Variants in OXR1 observed in about 807,000 individuals in gnomAD.
OXR1 encodes oxidation resistance protein 1.
In OXR1, 41 loss-of-function variants were observed where a neutral mutation model predicts 104.6. That is an observed-to-expected ratio of 0.39 (90% confidence interval 0.31 to 0.51). OXR1 has a LOEUF of 0.51. OXR1 is among the 20% of genes least tolerant of loss of function. The probability of loss-of-function intolerance (pLI) is 0.77; values close to 1 mark genes in which losing one functional copy is unlikely to be tolerated. For synonymous variants in OXR1, 348 were observed against 348.4 expected, an observed-to-expected ratio of 1.00 and a Z score of 0.01; for missense variants, 955 against 1,031.9, an observed-to-expected ratio of 0.93 and a Z score of 1.02.
chr8:106,739,284 A>G (rs569162387), intron 12 of OXR1, among the ~76,000 whole-genome samples, 174 bp from the exon 13 acceptor site: 41 of 152,144 alleles, frequency 2.7e-4, no homozygotes, highest in Non-Finnish European at 5.0e-4. Context: ...CTTTTCCTAC[A>G]TTGGCTACAT....
chr8:106,352,452 T>C (rs1815766633), intron 1 of OXR1, among the ~76,000 whole-genome samples: 1 of 152,210 alleles, frequency 6.6e-6, no homozygotes, highest in African/African-American at 2.4e-5. Flanking sequence ...TGCATAGGAT[T>C]GACCCAGAAA....
chr8:106,725,489 CT>C (rs1167785464), intron 11 of OXR1, among the ~76,000 whole-genome samples: 4 of 152,136 alleles, frequency 2.6e-5, no homozygotes, highest in African/African-American at 9.7e-5. Context: ...AAAAAATTCA[CT>C]TCTTTGCTTA....
At position 106,359,575 on chromosome 8, in the gene OXR1, T is replaced by C; in HGVS notation, c.-39T>C. On this transcript the variant is annotated 5_prime_UTR_variant, in exon 2 of 17. Transcript: ENST00000517566. ...GTCGACTTGACCTGCTAATTTCCTG[T>C]TCTGGAATCGAGAGAAGACTCCTCA... is the stretch of plus-strand genomic sequence containing the variant. 6.5e-7 allele frequency: 1 copy of C among 1,532,788 alleles called. No homozygotes were observed. Among genetic ancestry groups the C allele is most frequent in the South Asian group, 1.2e-5 (1 of 83,626 alleles). The allele number at this position is 1,532,788 out of a possible 1,614,324, so 94.9% of individuals were successfully genotyped here. A position where few individuals can be genotyped will look rare whatever the true frequency, so the allele number is the denominator to read the frequency against.
chr8:106,519,392 C>T (rs557501876), intron 3 of OXR1, among the ~76,000 whole-genome samples: 2 of 152,296 alleles, frequency 1.3e-5, no homozygotes, highest in South Asian at 4.1e-4. Context: ...TATACATATA[C>T]GTACATATAC....
intron 7 of OXR1, chr8:106,697,611 C>G (rs1170185347): frequency 1.9e-6 from 3 of 1,613,066 alleles, no homozygotes; most frequent in Non-Finnish European, 2.5e-6. Flanking sequence ...CTACTGCCAA[C>G]CCACCCAGAT....
chr8:106,631,459 C>G (rs1822679828), intron 3 of OXR1, among the ~76,000 whole-genome samples: 1 of 152,122 alleles, frequency 6.6e-6, no homozygotes, highest in South Asian at 2.1e-4. Context: ...AATATTCACC[C>G]TTCAACTGTT....
At chr8:106,282,933 A>G (rs549685572) in intron 1 of OXR1, among the ~76,000 whole-genome samples, 3 of 152,184 alleles carry the variant, frequency 2.0e-5, no homozygotes, top group Non-Finnish European at 4.4e-5. Flanking sequence ...TTGAAATCCT[A>G]TGTATCTCAT....
chr8:106,643,434 AT>A (rs11291020), intron 3 of OXR1, among the ~76,000 whole-genome samples: 88,797 of 149,362 alleles, frequency 0.59, 26,934 homozygotes, highest in African/African-American at 0.76. Context: ...AATCAATAGA[AT>A]TTTTTTTTTT....
intron 3 of OXR1, among the ~76,000 whole-genome samples, chr8:106,646,407 C>A (rs1824088891): frequency 6.6e-6 from 1 of 151,872 alleles, no homozygotes; most frequent in Non-Finnish European, 1.5e-5. Flanking sequence ...CGCGCTTGGC[C>A]CTATTATCTT....
intron 11 of OXR1, chr8:106,726,076 A>T: frequency 2.0e-6 from 2 of 1,000,574 alleles, no homozygotes; most frequent in Non-Finnish European, 2.8e-6. Context: ...TATGGATACT[A>T]CTTAGTGATT....
intron 2 of OXR1, among the ~76,000 whole-genome samples, chr8:106,387,875 G>A (rs1817441848): frequency 1.3e-5 from 2 of 152,162 alleles, no homozygotes; most frequent in South Asian, 4.1e-4. Flanking sequence ...TCTGTTTACA[G>A]TAACAACTTA....
chr8:106,376,549 A>T (rs775745619), intron 2 of OXR1, among the ~76,000 whole-genome samples: 8 of 152,218 alleles, frequency 5.3e-5, no homozygotes, highest in Non-Finnish European at 1.0e-4. Flanking sequence ...AAAAATAAAG[A>T]TAGTTATTGG....
At chr8:106,740,865 G>A (rs957336566) in intron 14 of OXR1, among the ~76,000 whole-genome samples, 1 of 152,080 alleles carries the variant, frequency 6.6e-6, no homozygotes, top group Non-Finnish European at 1.5e-5. Flanking sequence ...TTTGATTAAA[G>A]ATAATTGTTT....
chr8:106,704,665 T>C (rs1830968944), intron 8 of OXR1, among the ~76,000 whole-genome samples: 2 of 151,960 alleles, frequency 1.3e-5, no homozygotes, highest in Admixed American at 1.3e-4. Context: ...GCCAAAGTGC[T>C]GAGATTATAG....
chr8:106,683,366 A>G, intron 5 of OXR1, 60 bp downstream of exon 5: 1 of 817,790 alleles, frequency 1.2e-6, no homozygotes, highest in Non-Finnish European at 2.1e-6. Flanking sequence ...GGCAGAAAGT[A>G]TTTATTGTAC....
chr8:106,390,351 A>C (rs890833503), intron 2 of OXR1, among the ~76,000 whole-genome samples: 13 of 152,196 alleles, frequency 8.5e-5, no homozygotes, highest in African/African-American at 3.1e-4. Context: ...GGAGAGGAGG[A>C]GAAGGGGAGT....
At chr8:106,725,893 T>A (rs979136157) in intron 11 of OXR1, 3 of 188,160 alleles carry the variant, frequency 1.6e-5, no homozygotes, top group African/African-American at 7.0e-5. Context: ...ACTTTTTTGT[T>A]ACTGGGTTAC....
intron 3 of OXR1, among the ~76,000 whole-genome samples, chr8:106,653,617 AC>A (rs1429787962): frequency 6.6e-6 from 1 of 151,970 alleles, no homozygotes; most frequent in Non-Finnish European, 1.5e-5. Context: ...AAGGGCATCT[AC>A]AAAAAAACGA....
chr8:106,671,044 CAAA>C (rs60404483), intron 3 of OXR1, among the ~76,000 whole-genome samples: 5 of 48,924 alleles, frequency 1.0e-4, no homozygotes, highest in African/African-American at 6.1e-4. Flanking sequence ...GACTCTGTCT[CAAA>C]AAAAAAAAAA....
Sources: allele counts gnomAD v4.1 joint callset (sites outside exome capture counted in the v4.1 genomes callset), GRCh38; gene constraint gnomAD v4.1.1; transcripts MANE v1.5; gene names NCBI Gene and HGNC (gene_info 2026-07-23, HGNC 2026-07-21).